Variants in TPO observed in about 807,000 individuals in gnomAD.
TPO encodes the protein thyroid peroxidase, also known as thyroid microsomal antigen.
TPO carries 78 observed loss-of-function variants against 96.9 expected under a neutral mutation model. That is an observed-to-expected ratio of 0.81 (90% CI 0.67 to 0.97). The LOEUF (loss-of-function observed/expected upper bound fraction) is 0.97. Ranked by LOEUF, TPO falls within the 50% of genes least tolerant of loss-of-function variation. The probability of loss-of-function intolerance (pLI) is 0.00; values close to 1 mark genes in which losing one functional copy is unlikely to be tolerated. For missense variants in TPO, 1,252 were observed against 1,274.8 expected (o/e 0.98, Z 0.27); for synonymous variants, 547 against 538.0 (o/e 1.02, Z -0.23).
intron 7 of TPO, among the ~76,000 whole-genome samples, chr2:1,457,675 T>C (rs1667962536): frequency 6.6e-6 from 1 of 151,516 alleles, no homozygotes. Flanking sequence ...ATATAGCATA[T>C]ATGATAGTGT....
chr2:1,509,637 CTCT>C (rs753091293), intron 14 of TPO, among the ~76,000 whole-genome samples: 308 of 150,190 alleles, frequency 2.1e-3, no homozygotes, highest in Non-Finnish European at 3.6e-3. Flanking sequence ...ACACCCCACC[CTCT>C]TCTTTCAGGC....
chr2:1,414,083 C>A lies in TPO; in HGVS notation c.-1-325C>A, dbSNP rs373462342. On this transcript the variant is annotated intron_variant, in intron 1 of 16. Transcript: ENST00000329066. ...TTTTTTCATTCCCAATAATTATTCC[C>A]AGTACTGTTACACTATTTGACATTA... 1.2e-4 allele frequency among the ~76,000 whole-genome samples: 18 copies of A among 152,202 alleles called. No individual in the cohort carries two copies. In the East Asian group the frequency reaches 3.1e-3, roughly 26 times the overall value.
chr2:1,411,624 A>T (rs1662349244), upstream of TPO, among the ~76,000 whole-genome samples: 1 of 152,130 alleles, frequency 6.6e-6, no homozygotes, highest in Non-Finnish European at 1.5e-5. Context: ...TCAGCTCCGG[A>T]GGTCATAGAT....
At chr2:1,479,719 G>A (rs1168823977) in intron 8 of TPO, among the ~76,000 whole-genome samples, 2 of 152,036 alleles carry the variant, frequency 1.3e-5, no homozygotes, top group African/African-American at 2.4e-5. Flanking sequence ...TGGTTGCTGC[G>A]GCTGTGGCTG....
At chr2:1,383,615 G>C (rs919107768) in intron 1 of TPO, among the ~76,000 whole-genome samples, 7 of 152,046 alleles carry the variant, frequency 4.6e-5, no homozygotes, top group African/African-American at 1.7e-4. Flanking sequence ...GTAGATTCTG[G>C]GTATCAGCCC....
At chr2:1,523,588 CCA>C in intron 15 of TPO, among the ~76,000 whole-genome samples, 1 of 147,400 alleles carries the variant, frequency 6.8e-6, no homozygotes, top group Non-Finnish European at 1.5e-5. Context: ...CCCAAATCCC[CCA>C]CACTGTGTGC....
chr2:1,527,412 C>A (rs1298637512), intron 15 of TPO, among the ~76,000 whole-genome samples: 8 of 145,446 alleles, frequency 5.5e-5, no homozygotes, highest in Non-Finnish European at 9.0e-5. Flanking sequence ...TGTGTGCAAC[C>A]TCCTCAAATC....
chr2:1,477,100 C>A lies in TPO; in HGVS notation c.834C>A (p.Ala278=), dbSNP rs773103037. ...TTTGCCTGCAGCTCCCGGAGGAGGC[C>A]CGGCCGGCCGCGGGCACCGCCTGTC... The part of the protein sequence containing the change: ...PCFPIQLPEE[A]RPAAGTACLP... The change falls in exon 8 of 17, where the codon GCC becomes GCA. Residue 278 remains alanine (A), a synonymous_variant. Transcript: ENST00000329066. The A allele has an allele frequency of 1.0e-5, 16 of 1,605,016 alleles. No individual in the cohort carries two copies. The South Asian group carries it at 1.8e-4, about 18-fold the overall frequency.
chr2:1,382,793 A>G lies in TPO; in HGVS notation n.180+8391A>G, dbSNP rs192552788. 2.1e-3 allele frequency among the ~76,000 whole-genome samples: 322 copies of G among 152,126 alleles called. 1 individual carries two copies. Among genetic ancestry groups the G allele is most frequent in the African/African-American group, 7.4e-3 (305 of 41,492 alleles). On this transcript the variant is annotated intron_variant and non_coding_transcript_variant, in intron 1 of 5. Coordinates refer to the TPO transcript ENST00000497517. The stretch of plus-strand genomic sequence containing the variant: ...TGCACAACGTGCAGGTTTGTTACAT[A>G]TGTATACATGTACCATGTTGGTGTG...
rs965707850 is a variant in TPO at position 1,517,001 on chromosome 2, G to T, written c.2618+19G>T. On this transcript the variant is annotated intron_variant, in intron 15 of 16. Transcript: ENST00000329066. ...GCAGGTGGTAAGTCCTTCACTTTTT[G>T]ACTGTTACTTAGACACAAAGCAATC... 2 of 1,612,370 alleles carry T rather than the reference G, an allele frequency of 1.2e-6. No homozygotes were observed. The highest frequency in any genetic ancestry group is 1.7e-6 in the Non-Finnish European group (2 of 1,179,190).
chr2:1,386,903 C>T (rs182027197), intron 1 of TPO, among the ~76,000 whole-genome samples: 116 of 152,226 alleles, frequency 7.6e-4, no homozygotes, highest in Non-Finnish European at 9.3e-4. Flanking sequence ...TTAGGGCAGG[C>T]CTGGTGGTGA....
At chr2:1,432,688 G>A (rs1351093480) in intron 3 of TPO, among the ~76,000 whole-genome samples, 1 of 92,938 alleles carries the variant, frequency 1.1e-5, no homozygotes, top group African/African-American at 4.8e-5. Context: ...TGCAGGTGGG[G>A]TGAGGCCTGC....
chr2:1,410,598 C>T (rs777627569), upstream of TPO, among the ~76,000 whole-genome samples: 7 of 152,054 alleles, frequency 4.6e-5, no homozygotes, highest in Non-Finnish European at 8.8e-5. Context: ...ATTCAGTAAT[C>T]AGATTTCCCC....
chr2:1,397,562 T>C (rs1411230367), intron 1 of TPO, among the ~76,000 whole-genome samples: 2 of 152,210 alleles, frequency 1.3e-5, no homozygotes, highest in African/African-American at 4.8e-5. Context: ...TAGCCAGCTC[T>C]CGGCCCTCTG....
Position 1,542,719 on chromosome 2 carries a change from TAC to T in TPO, c.*247_*248del. ...TGGGGCTTTGCCATTAAAATGTATT[TAC>T]AGATTACACATCTTTATTTTGTGAA... On this transcript the variant is annotated 3_prime_UTR_variant, in exon 17 of 17. Transcript: ENST00000329066. 4 of 1,144,442 alleles carry T rather than the reference TAC, an allele frequency of 3.5e-6. No individual in the cohort carries two copies. The highest frequency in any genetic ancestry group is 4.9e-6 in the Non-Finnish European group (4 of 812,872). 70.9% of individuals were successfully genotyped at this position (1,144,442 alleles called of 1,614,324 possible). A position where few individuals can be genotyped will look rare whatever the true frequency, so the allele number is the denominator to read the frequency against.
rs1465057755 is a variant in TPO, at chr2:1,433,338, C to T, written c.180-100C>T. The T allele has an allele frequency of 6.9e-6, 10 of 1,457,084 alleles. No homozygotes were observed. In the Admixed American group the frequency reaches 7.3e-5, roughly 11 times the overall value. The allele number at this position is 1,457,084 out of a possible 1,614,324, so 90.3% of individuals were successfully genotyped here. On this transcript the variant is annotated intron_variant, in intron 3 of 16. Coordinates refer to ENST00000329066, the MANE Select transcript of TPO (RefSeq NM_001206744.2). The stretch of plus-strand genomic sequence containing the variant: ...AGTGCCTGTCACATTGTCTGGGACA[C>T]AGTAGTTACTCAATAAATGTCTGCT...
intron 15 of TPO, among the ~76,000 whole-genome samples, chr2:1,538,149 CAT>C (rs1680292980): frequency 2.1e-5 from 3 of 140,746 alleles, no homozygotes; most frequent in Admixed American, 7.1e-5. Context: ...TCAAATACCC[CAT>C]ACTGTGTACA....
At position 1,374,730 on chromosome 2, in the gene TPO, T is replaced by C. The variant is rs1358890330; in HGVS notation, n.180+328T>C. On this transcript the variant is annotated intron_variant and non_coding_transcript_variant, in intron 1 of 5. Transcript: ENST00000497517. ...AATCTTTTCTTTCTTTCTTTCTTTT[T>C]TTTTTTTTTTTTACTGAGATGACGT... Among the ~76,000 whole-genome samples, 1,011 of 150,864 alleles carry C rather than the reference T, an allele frequency of 6.7e-3. 9 individuals are homozygous for C. The highest frequency in any genetic ancestry group is 0.022 in the African/African-American group (901 of 41,192).
intron 13 of TPO, among the ~76,000 whole-genome samples, chr2:1,500,584 T>C (rs187271116): frequency 6.6e-6 from 1 of 152,208 alleles, no homozygotes; most frequent in Non-Finnish European, 1.5e-5. Context: ...CGGGCTTAAC[T>C]GAATATTTGA....
Sources: allele counts gnomAD v4.1 joint callset (sites outside exome capture counted in the v4.1 genomes callset), GRCh38; gene constraint gnomAD v4.1.1; transcripts MANE v1.5; gene names NCBI Gene and HGNC (gene_info 2026-07-23, HGNC 2026-07-21).